Variants in DMD observed in about 807,000 individuals in gnomAD.
DMD encodes mutant dystrophin.
Under a neutral mutation model 330.1 loss-of-function variants are expected in DMD, and 63 were observed. The ratio of observed to expected loss-of-function variants is 0.19; its 90% CI spans 0.16 to 0.24. The LOEUF (loss-of-function observed/expected upper bound fraction) is 0.24. DMD is among the 10% of genes least tolerant of loss of function. The pLI, the probability that DMD is intolerant of heterozygous loss-of-function variation, is 1.00. For synonymous variants in DMD, 1,223 were observed against 959.8 expected (o/e 1.27, Z -5.07); for missense variants, 3,344 against 2,684.1 (o/e 1.25, Z -5.43).
intron 62 of DMD, among the ~76,000 whole-genome samples, chrX:31,305,813 C>A (rs767519508): frequency 8.9e-6 from 1 of 112,559 alleles, no homozygotes; most frequent in African/African-American, 3.2e-5. Flanking sequence ...TTTGGAGTTG[C>A]AGAAAAGAAA....
At chrX:32,091,865 G>C (rs1261259160) in intron 44 of DMD, among the ~76,000 whole-genome samples, 1 of 111,180 alleles carries the variant, frequency 9.0e-6, no homozygotes, top group Non-Finnish European at 1.9e-5. Flanking sequence ...GGGCTTGGGG[G>C]TTTATTAATA....
intron 44 of DMD, among the ~76,000 whole-genome samples, chrX:32,194,763 T>C (rs1215565023): frequency 2.7e-5 from 3 of 112,039 alleles, no homozygotes; most frequent in African/African-American, 9.7e-5. Context: ...TTATCCTATA[T>C]GGATTGAGAA....
At chrX:31,470,296 T>A (rs758028964) in intron 59 of DMD, among the ~76,000 whole-genome samples, 55 of 111,693 alleles carry the variant, frequency 4.9e-4, no homozygotes, top group Admixed American at 1.0e-3. Context: ...TGGTTTTTCC[T>A]CATCTTCGTG....
At chrX:33,213,836 C>A (rs1031906133), upstream of DMD, among the ~76,000 whole-genome samples, 6 of 110,930 alleles carry the variant, frequency 5.4e-5, no homozygotes, top group African/African-American at 2.0e-4. Flanking sequence ...TCTATTTCAT[C>A]ACTGATTTGT....
chrX:32,350,409 C>G (rs1337982099), intron 37 of DMD, among the ~76,000 whole-genome samples: 1 of 111,134 alleles, frequency 9.0e-6, no homozygotes, highest in African/African-American at 3.3e-5. Context: ...AAACTGCTTA[C>G]AATACTAACT....
chrX:32,152,492 A>G (rs994221365), intron 44 of DMD, among the ~76,000 whole-genome samples: 2 of 111,200 alleles, frequency 1.8e-5, no homozygotes, highest in African/African-American at 6.5e-5. Context: ...CCAGGCTGAA[A>G]ATGTTCCTGG....
At position 31,522,325 on chromosome X, in the gene DMD, T is replaced by TTCTCTCTCTCTCTCTCTC. The variant is rs1193302041; in HGVS notation, c.8218-14890_8218-14873dup. 2.3e-4 allele frequency among the ~76,000 whole-genome samples: 12 copies of TTCTCTCTCTCTCTCTCTC among 51,329 alleles called. 1 individual carries two copies. The highest frequency in any genetic ancestry group is 8.8e-4 in the African/African-American group (8 of 9,061). 44.6% of individuals were successfully genotyped at this position (51,329 alleles called of 115,157 possible). A position where few individuals can be genotyped will look rare whatever the true frequency, so the allele number is the denominator to read the frequency against. ...AGAGACAGAGTGGTAAGATCAAAAT[T>TTCTCTCTCTCTCTCTCTC]TCTCTCTCTCTCTCTCTCTCTCTCT... On this transcript the variant is annotated intron_variant, in intron 55 of 78. Coordinates refer to ENST00000357033, the MANE Select transcript of DMD (RefSeq NM_004006.3).
intron 57 of DMD, among the ~76,000 whole-genome samples, chrX:31,482,667 GGAA>G (rs1392825537): frequency 8.9e-6 from 1 of 111,894 alleles, no homozygotes; most frequent in African/African-American, 3.3e-5. Flanking sequence ...AGGAGTGAGT[GGAA>G]GAAGGAGTAG....
intron 1 of DMD, among the ~76,000 whole-genome samples, chrX:33,036,064 G>A: frequency 9.0e-6 from 1 of 111,456 alleles, no homozygotes; most frequent in East Asian, 2.8e-4. Flanking sequence ...ACCTAGCTGA[G>A]GAGTCAAACT....
chrX:32,064,167 A>C lies in DMD; in HGVS notation c.6439-95653T>G, dbSNP rs761276906. 1.1e-4 allele frequency among the ~76,000 whole-genome samples: 12 copies of C among 111,615 alleles called. No individual in the cohort carries two copies. In the East Asian group the frequency reaches 3.4e-3, roughly 31 times the overall value. ...CTCTTTAATATATAAAGCCTTAATT[A>C]TGTTTAATCTATAAAACCACTAATG... is the stretch of plus-strand genomic sequence containing the variant. On this transcript the variant is annotated intron_variant, in intron 44 of 78. Coordinates refer to ENST00000357033, the MANE Select transcript of DMD (RefSeq NM_004006.3).
chrX:31,723,623 AACACACACACACACACACACAC>A (rs55718177), intron 52 of DMD, among the ~76,000 whole-genome samples: 2 of 77,685 alleles, frequency 2.6e-5, no homozygotes, highest in East Asian at 4.3e-4. Context: ...TATCCTCCAC[AACACACACACACACACACACAC>A]ACACACACAC....
chrX:32,413,088 C>G (rs16990323), intron 29 of DMD, among the ~76,000 whole-genome samples: 1,856 of 110,516 alleles, frequency 0.017, 53 homozygotes, highest in African/African-American at 0.059. Flanking sequence ...AGATTTTATC[C>G]TGGGCTTTCC....
At chrX:32,945,487 A>G (rs2090738034) in intron 2 of DMD, among the ~76,000 whole-genome samples, 1 of 111,189 alleles carries the variant, frequency 9.0e-6, no homozygotes, top group Admixed American at 9.6e-5. Context: ...CCCAATACTT[A>G]TACTTCCTGT....
intron 1 of DMD, among the ~76,000 whole-genome samples, chrX:33,233,138 C>T (rs1369435054): frequency 4.5e-5 from 5 of 111,809 alleles, no homozygotes; most frequent in Non-Finnish European, 9.4e-5. Context: ...CTGATTTAAT[C>T]ACTCTGCATT....
In DMD at chrX:32,627,732, T is replaced by TA. The variant is rs1199876034; in HGVS notation, c.1332-13280dup. 8.1e-5 allele frequency among the ~76,000 whole-genome samples: 9 copies of TA among 111,025 alleles called. No individual in the cohort carries two copies. In the South Asian group the frequency reaches 3.4e-3, roughly 42 times the overall value. Reference sequence around the variant, plus strand: ...CATTTATGGCACTGATTATAAATATTAAAAAAATAGAAAACAGAAGTTCAT... The same window carrying TA: ...CATTTATGGCACTGATTATAAATATTAAAAAAAATAGAAAACAGAAGTTCAT... On this transcript the variant is annotated intron_variant, in intron 11 of 78. Transcript: ENST00000357033.
chrX:31,523,123 A>T (rs1397735733), intron 55 of DMD, among the ~76,000 whole-genome samples: 1 of 111,090 alleles, frequency 9.0e-6, no homozygotes, highest in Non-Finnish European at 1.9e-5. Flanking sequence ...GAACTCAAGA[A>T]TTTGCATTTC....
intron 17 of DMD, among the ~76,000 whole-genome samples, chrX:32,522,878 A>G (rs760275779): frequency 8.9e-6 from 1 of 112,271 alleles, no homozygotes; most frequent in South Asian, 3.7e-4. Context: ...TCAATTATAC[A>G]TCAAATACCC....
At chrX:32,045,431 C>G (rs2096057571) in intron 44 of DMD, among the ~76,000 whole-genome samples, 1 of 107,392 alleles carries the variant, frequency 9.3e-6, no homozygotes, top group Non-Finnish European at 1.9e-5. Flanking sequence ...TCATCTTCCA[C>G]TATGAGTAAA....
chrX:32,212,704 A>G (rs1055401575), intron 44 of DMD, among the ~76,000 whole-genome samples: 29 of 111,869 alleles, frequency 2.6e-4, no homozygotes, highest in African/African-American at 8.8e-4. Flanking sequence ...TAGTGAATGC[A>G]TTAAGAGATG....
Sources: gnomAD v4.1 joint callset for allele counts (sites outside exome capture counted in the v4.1 genomes callset) on GRCh38, gnomAD v4.1.1 for gene constraint, MANE v1.5 for transcripts, NCBI Gene and HGNC (gene_info 2026-07-23, HGNC 2026-07-21) for gene names.